ZKSCAN3: variants seen among roughly 807,000 people sequenced by gnomAD.
ZKSCAN3 encodes the protein zinc finger protein with KRAB and SCAN domains 3.
A neutral mutation model predicts 30.7 loss-of-function variants in ZKSCAN3; 21 were observed. That is an observed-to-expected ratio of 0.68 (90% CI 0.49 to 0.99). The LOEUF is 0.99. ZKSCAN3 is among the 50% of genes least tolerant of loss of function. The probability of loss-of-function intolerance (pLI) is 0.00; values close to 1 mark genes in which losing one functional copy is unlikely to be tolerated. For missense variants in ZKSCAN3, 507 were observed against 647.1 expected, an observed-to-expected ratio of 0.78 and a Z score of 2.35; for synonymous variants, 201 against 246.7, an observed-to-expected ratio of 0.81 and a Z score of 1.73.
intron 4 of ZKSCAN3, 109 bp from the exon 5 acceptor site, chr6:28,363,583 G>A (rs1765848121): frequency 6.4e-7 from 1 of 1,551,802 alleles, no homozygotes; most frequent in South Asian, 1.2e-5. Context: ...GGCTTTTCCT[G>A]TTTATTACTA....
At position 28,363,315 on chromosome 6, in the gene ZKSCAN3, C is replaced by G. The variant is rs542397400; in HGVS notation, c.563C>G (p.Pro188Arg). Residue 188 changes from proline to arginine, a missense_variant, in exon 4 of 6, where the codon CCC (proline) becomes CGC (arginine). Coordinates refer to ENST00000252211, the MANE Select transcript of ZKSCAN3 (RefSeq NM_024493.4). ...CTTTCCTTCTTAGTTCTCCAGGTCC[C>G]CGTGCTTGCCCATGGAGGATGCTGC... ...QPLQDRVLQV[P>R]VLAHGGCCRE... The G allele has an allele frequency of 6.2e-7, 1 of 1,614,018 alleles. No individual in the cohort carries two copies. The highest frequency in any genetic ancestry group is 1.3e-5 in the African/African-American group (1 of 75,020).
intron 1 of ZKSCAN3, among the ~76,000 whole-genome samples, chr6:28,357,313 C>T (rs534548461): frequency 4.3e-4 from 66 of 152,352 alleles, no homozygotes; most frequent in Middle Eastern, 3.4e-3. Context: ...TACAATGGCC[C>T]TATCTGCTAT....
chr6:28,361,264 C>G, intron 2 of ZKSCAN3, 60 bp from the exon 3 acceptor site: 1 of 1,564,462 alleles, frequency 6.4e-7, no homozygotes, highest in Non-Finnish European at 8.7e-7. Context: ...TGCCAGCCAC[C>G]TAGGTAGTTC....
chr6:28,353,844 C>T (rs1364227684), intron 1 of ZKSCAN3: 1 of 456,992 alleles, frequency 2.2e-6, no homozygotes, highest in East Asian at 6.9e-5. Flanking sequence ...TATTAGCCAA[C>T]ATGTATATGG....
intron 2 of ZKSCAN3, chr6:28,360,590 C>G: frequency 3.1e-6 from 3 of 980,736 alleles, no homozygotes; most frequent in Non-Finnish European, 3.6e-6. Context: ...CCATGTTCTT[C>G]CCTGTTTTAT....
At position 28,367,693 on chromosome 6, in the gene ZKSCAN3, C is replaced by G. The variant is rs1210531944; in HGVS notation, c.*1408C>G. ...AAAACTTATTCCTGCTAAGTTCATA[C>G]TTTCTCCAGCTCAATGGATTCACAC... On this transcript the variant is annotated 3_prime_UTR_variant, in exon 6 of 6. Transcript: ENST00000252211. The G allele has an allele frequency of 6.6e-6, 1 of 151,448 alleles. No individual in the cohort carries two copies. The highest frequency in any genetic ancestry group is 1.5e-5 in the Non-Finnish European group (1 of 67,964). 9.4% of individuals were successfully genotyped at this position (151,448 alleles called of 1,614,324 possible).
intron 4 of ZKSCAN3, 31 bp from the exon 5 acceptor site, chr6:28,363,661 C>T: frequency 6.2e-7 from 1 of 1,613,716 alleles, no homozygotes; most frequent in Non-Finnish European, 8.5e-7. Flanking sequence ...TTGGTCAGCC[C>T]CTTCTTCAAT....
chr6:28,366,678 C>T lies in ZKSCAN3; in HGVS notation c.*393C>T, dbSNP rs1765982155. ...CTGTAATGAATCCTCCACAGTTGGT[C>T]AGATTCATAAAGTCTTATATCCCCC... On this transcript the variant is annotated 3_prime_UTR_variant, in exon 6 of 6. Coordinates refer to ENST00000252211, the MANE Select transcript of ZKSCAN3 (RefSeq NM_024493.4). 1 of 161,584 alleles carries T rather than the reference C, an allele frequency of 6.2e-6. No individual in the cohort carries two copies. The highest frequency in any genetic ancestry group is 6.4e-5 in the Admixed American group (1 of 15,632). The allele number at this position is 161,584 out of a possible 1,614,324, so 10.0% of individuals were successfully genotyped here. A position where few individuals can be genotyped will look rare whatever the true frequency, so the allele number is the denominator to read the frequency against.
In ZKSCAN3 at chr6:28,366,108, T is replaced by C. The variant is rs368064779; in HGVS notation, c.1440T>C (p.Tyr480=). 6 of 1,609,822 alleles carry C rather than the reference T, an allele frequency of 3.7e-6. No individual in the cohort carries two copies. In the African/African-American group the frequency reaches 6.7e-5, roughly 18 times the overall value. ...AAAATGTTGAAACTCCCATGTCTTA[T>C]AAATGTAATGAGTGTGAAAGAAGTT... ...QLENVETPMS[Y]KCNECERSFT... is the part of the protein sequence containing the mutation. Residue 480 remains tyrosine, a synonymous_variant, in exon 6 of 6, where the codon TAT becomes TAC. Transcript: ENST00000252211.
rs878961650 is a variant in ZKSCAN3 at position 28,353,576 on chromosome 6, G to A, written c.-63+3509G>A. 4.5e-5 allele frequency: 12 copies of A among 267,778 alleles called. No homozygotes were observed. In the East Asian group the frequency reaches 8.6e-4, roughly 19 times the overall value. 16.6% of individuals were successfully genotyped at this position (267,778 alleles called of 1,614,324 possible). ...TCTAGATAATACCATACTGAGGAAGGAGTAGATTAGGAAGCAAGAAAATCA... is the reference window on the plus strand; with the variant it reads ...TCTAGATAATACCATACTGAGGAAGAAGTAGATTAGGAAGCAAGAAAATCA... On this transcript the variant is annotated intron_variant, in intron 1 of 5. Coordinates refer to ENST00000252211, the MANE Select transcript of ZKSCAN3 (RefSeq NM_024493.4).
chr6:28,364,033 A>G (rs777735098), intron 5 of ZKSCAN3, among the ~76,000 whole-genome samples: 9 of 152,098 alleles, frequency 5.9e-5, no homozygotes, highest in Non-Finnish European at 1.2e-4. Context: ...GCAGTGACAC[A>G]ATCATGGCTC....
Position 28,367,550 on chromosome 6 carries a change from T to A in ZKSCAN3, c.*1265T>A, listed in dbSNP as rs978677830. 1 of 152,136 alleles carries A rather than the reference T, an allele frequency of 6.6e-6. No individual in the cohort carries two copies. 9.4% of individuals were successfully genotyped at this position (152,136 alleles called of 1,614,324 possible). A position where few individuals can be genotyped will look rare whatever the true frequency, so the allele number is the denominator to read the frequency against. On this transcript the variant is annotated 3_prime_UTR_variant, in exon 6 of 6. Coordinates refer to ENST00000252211, the MANE Select transcript of ZKSCAN3 (RefSeq NM_024493.4). Reference sequence around the variant, plus strand: ...CAGTCATCAAGTCAGAATAAAATGATGAATATTCTAATGCTCAGTATCTTA... The same window carrying A: ...CAGTCATCAAGTCAGAATAAAATGAAGAATATTCTAATGCTCAGTATCTTA...
At chr6:28,356,259 G>A (rs894601200) in intron 1 of ZKSCAN3, 1 of 152,274 alleles carries the variant, frequency 6.6e-6, no homozygotes, top group Non-Finnish European at 1.5e-5. Context: ...GCGGGACCTA[G>A]TTGCCCAGCA....
chr6:28,360,165 A>T (rs12662767), intron 2 of ZKSCAN3, 177 bp downstream of exon 2: 26,847 of 1,089,510 alleles, frequency 0.025, 335 homozygotes, highest in Non-Finnish European at 0.031. Flanking sequence ...TTTTTTTTTT[A>T]AAATACATAA....
chr6:28,368,026 T>TCCCTCCC lies in ZKSCAN3; in HGVS notation c.*1745_*1751dup, dbSNP rs1388009631. 7.7e-6 allele frequency: 1 copy of TCCCTCCC among 129,582 alleles called. No individual in the cohort carries two copies. The highest frequency in any genetic ancestry group is 2.9e-5 in the African/African-American group (1 of 35,002). The allele number at this position is 129,582 out of a possible 1,614,324, so 8.0% of individuals were successfully genotyped here. A position where few individuals can be genotyped will look rare whatever the true frequency, so the allele number is the denominator to read the frequency against. On this transcript the variant is annotated 3_prime_UTR_variant, in exon 6 of 6. Coordinates refer to ENST00000252211, the MANE Select transcript of ZKSCAN3 (RefSeq NM_024493.4). ...ACATTGGGTGTATCTCCTAATGCTTTCCCTCCCCCCACCCCACAACAGGCC... is the reference window on the plus strand; with the variant it reads ...ACATTGGGTGTATCTCCTAATGCTTTCCCTCCCCCCTCCCCCCACCCCACAACAGGCC...
chr6:28,359,802 A>G lies in ZKSCAN3; in HGVS notation c.216A>G (p.Arg72=), dbSNP rs760015040. Residue 72 remains arginine (R), a synonymous_variant, in exon 2 of 6, where the codon CGA becomes CGG. Coordinates refer to ENST00000252211, the MANE Select transcript of ZKSCAN3 (RefSeq NM_024493.4). ...TGAGTCGGCTCCGAGAGCTCTGCCG[A>G]CAGTGGCTGCAGCCTGAGATGCACA... ...EALSRLRELC[R]QWLQPEMHSK... 2.5e-6 allele frequency: 4 copies of G among 1,614,082 alleles called. No individual in the cohort carries two copies. Among genetic ancestry groups the G allele is most frequent in the African/African-American group, 1.3e-5 (1 of 74,926 alleles).
chr6:28,357,898 G>C (rs213233), intron 1 of ZKSCAN3, among the ~76,000 whole-genome samples: 4,757 of 152,186 alleles, frequency 0.031, 147 homozygotes, highest in African/African-American at 0.081. Flanking sequence ...TAATGTGAAT[G>C]TTATGCCAGT....
chr6:28,351,762 T>C lies in ZKSCAN3; in HGVS notation c.-63+1695T>C, dbSNP rs901130302. Among the ~76,000 whole-genome samples, 1 of 151,964 alleles carries C rather than the reference T, an allele frequency of 6.6e-6. No individual in the cohort carries two copies. Among genetic ancestry groups the C allele is most frequent in the African/African-American group, 2.4e-5 (1 of 41,338 alleles). On this transcript the variant is annotated intron_variant, in intron 1 of 5. Transcript: ENST00000252211. The surrounding 1 kb of genome is among the most constrained non-coding windows in gnomAD (Gnocchi z 4.6). ...TCTCCCCCTCTTTATCTCTTTTTTT[T>C]CCTCATTTCGTCCCTCTCTTCTCTT...
intron 1 of ZKSCAN3, 83 bp downstream of exon 1, chr6:28,350,150 C>T (rs1405731934): frequency 6.6e-6 from 1 of 152,262 alleles, no homozygotes; most frequent in Non-Finnish European, 1.5e-5. Context: ...TTCCTGCAGC[C>T]TCGGCTCCCA....
Sources: gnomAD v4.1 joint callset for allele counts (sites outside exome capture counted in the v4.1 genomes callset) on GRCh38, gnomAD v4.1.1 for gene constraint, Gnocchi (gnomAD v3.1) non-coding constraint, MANE v1.5 for transcripts, NCBI Gene and HGNC (gene_info 2026-07-23, HGNC 2026-07-21) for gene names.